The following LINGO1 variants were observed in gnomAD, a reference collection of about 807,000 sequenced individuals.
LINGO1 encodes leucine-rich repeat and immunoglobulin-like domain-containing nogo receptor-interacting protein 1.
A neutral mutation model predicts 37.3 loss-of-function variants in LINGO1; 11 were observed. The ratio of observed to expected loss-of-function variants is 0.29; its 90% CI spans 0.19 to 0.49. The LOEUF is 0.49. LINGO1 is among the 20% of genes least tolerant of loss of function. LINGO1 has a pLI of 0.99. For missense variants in LINGO1, 585 were observed against 878.2 expected, an observed-to-expected ratio of 0.67 and a Z score of 4.22; for synonymous variants, 387 against 403.0, an observed-to-expected ratio of 0.96 and a Z score of 0.48.
chr15:77,615,291 T>C lies in LINGO1; in HGVS notation c.616A>G (p.Ile206Val). The change falls in exon 2 of 2, where the codon ATC becomes GTC. Residue 206 changes from isoleucine (I) to valine (V), a missense_variant. Physicochemically the swap from Ile to Val is conservative, Grantham distance 29. Transcript: ENST00000355300. Reference protein sequence around the residue: ...LTLEKCNLTSIPTEALSHLHG... With the variant: ...LTLEKCNLTSVPTEALSHLHG... ...AGGTGGGACAGCGCCTCGGTGGGGA[T>C]GGAGGTCAGGTTGCATTTCTCCAGC... 1 of 1,613,588 alleles carries C rather than the reference T, an allele frequency of 6.2e-7. No homozygotes were observed. Among genetic ancestry groups the C allele is most frequent in the Non-Finnish European group, 8.5e-7 (1 of 1,179,860 alleles).
At chr15:77,746,330 C>A (rs2076314908) in intron 1 of LINGO1, among the ~76,000 whole-genome samples, 1 of 152,170 alleles carries the variant, frequency 6.6e-6, no homozygotes, top group Non-Finnish European at 1.5e-5. Context: ...AGCATGGGAC[C>A]TCCCTCACTT....
intron 1 of LINGO1, among the ~76,000 whole-genome samples, chr15:77,818,329 G>A (rs868098209): frequency 6.6e-6 from 1 of 152,228 alleles, no homozygotes. Flanking sequence ...TCTTCCACAG[G>A]ACTGGCTGGG....
Position 77,813,171 on chromosome 15 carries a change from T to C in LINGO1, c.-458+7087A>G, listed in dbSNP as rs150309581. 8.6e-4 allele frequency among the ~76,000 whole-genome samples: 131 copies of C among 152,288 alleles called. 1 individual carries two copies. The highest frequency in any genetic ancestry group is 3.1e-3 in the African/African-American group (128 of 41,544). ...AAATGTTCCCTAAATGTAAAGCTGA[T>C]ACACTGCTCTCAGAGTTCTGAGGAA... On this transcript the variant is annotated intron_variant, in intron 1 of 5. Transcript: ENST00000562933.
At chr15:77,685,759 G>A (rs1213183506) in intron 2 of LINGO1, among the ~76,000 whole-genome samples, 1 of 152,052 alleles carries the variant, frequency 6.6e-6, no homozygotes, top group Non-Finnish European at 1.5e-5. Flanking sequence ...GCTGAAGTGG[G>A]AGAATAACTT....
At chr15:77,755,079 T>TCCTAC (rs1567565204) in intron 1 of LINGO1, among the ~76,000 whole-genome samples, 5 of 152,190 alleles carry the variant, frequency 3.3e-5, no homozygotes, top group Admixed American at 6.5e-5. Flanking sequence ...CACAACTCCC[T>TCCTAC]TGAGGCCAAG....
rs1257759659 is a variant in LINGO1, at chr15:77,656,087, GGGACAGGGGT to G, written c.-13+20992_-13+21001del. Among the ~76,000 whole-genome samples the G allele has an allele frequency of 2.6e-5, 4 of 152,212 alleles. No individual in the cohort carries two copies. In the South Asian group the frequency reaches 8.3e-4, roughly 31 times the overall value. ...GCTGCCCACAGGGCTGGGCACTCAG[GGGACAGGGGT>G]GACAGTAAGGAACCCAGAAAGGGCC... On this transcript the variant is annotated intron_variant, in intron 3 of 3. Coordinates refer to the LINGO1 transcript ENST00000559893.
chr15:77,684,226 G>A (rs972897127), intron 2 of LINGO1, among the ~76,000 whole-genome samples: 3 of 152,198 alleles, frequency 2.0e-5, no homozygotes, highest in African/African-American at 7.2e-5. Context: ...AGTGCACCTC[G>A]TTCACTGGGG....
chr15:77,705,381 C>T (rs1289528100), intron 2 of LINGO1, among the ~76,000 whole-genome samples: 1 of 152,192 alleles, frequency 6.6e-6, no homozygotes, highest in Non-Finnish European at 1.5e-5. Flanking sequence ...TCACTCGTTC[C>T]CGGGGCTCAC....
intron 2 of LINGO1, among the ~76,000 whole-genome samples, chr15:77,726,464 C>T (rs2076103228): frequency 6.6e-6 from 1 of 152,234 alleles, no homozygotes; most frequent in Admixed American, 6.5e-5. Flanking sequence ...CATTAGGGCA[C>T]CCAGATATCA....
intron 1 of LINGO1, among the ~76,000 whole-genome samples, chr15:77,811,190 C>G (rs4886917): frequency 0.93 from 140,800 of 152,166 alleles, 65,240 homozygotes; most frequent in Admixed American, 0.95. Context: ...CCAGCTGCTT[C>G]TGCCAACAGA....
chr15:77,785,398 C>T (rs543776485), intron 1 of LINGO1, among the ~76,000 whole-genome samples: 18 of 152,334 alleles, frequency 1.2e-4, no homozygotes, highest in African/African-American at 3.8e-4. Flanking sequence ...GGCCCTTGCA[C>T]TTCCCAACTG....
intron 3 of LINGO1, among the ~76,000 whole-genome samples, chr15:77,675,445 G>A (rs1009400040): frequency 2.0e-5 from 3 of 152,218 alleles, no homozygotes; most frequent in African/African-American, 7.2e-5. Context: ...GGATGTAAAA[G>A]GGTGGGGAAG....
chr15:77,743,114 C>T (rs990550950), intron 1 of LINGO1, among the ~76,000 whole-genome samples: 2 of 152,084 alleles, frequency 1.3e-5, no homozygotes, highest in Non-Finnish European at 2.9e-5. Flanking sequence ...GAAGGAGAGC[C>T]CTCCTGGGCT....
chr15:77,708,905 C>G (rs573432578), intron 2 of LINGO1, among the ~76,000 whole-genome samples: 2 of 152,306 alleles, frequency 1.3e-5, no homozygotes, highest in Admixed American at 6.5e-5. Flanking sequence ...CAGAGCGAGA[C>G]TGTCTCAACA....
Position 77,743,362 on chromosome 15 carries a change from A to G in LINGO1, c.-256-8309T>C, listed in dbSNP as rs189432248. ...CTATGTACTCTGTAAAAGGAGGGGC[A>G]TGACTCCTTTCCCCCATTACAGGGA... On this transcript the variant is annotated intron_variant, in intron 1 of 3. Coordinates refer to the LINGO1 transcript ENST00000561686. Among the ~76,000 whole-genome samples, 239 of 152,288 alleles carry G rather than the reference A, an allele frequency of 1.6e-3. 1 individual carries two copies. The highest frequency in any genetic ancestry group is 5.3e-3 in the African/African-American group (220 of 41,560).
chr15:77,694,993 T>C (rs1016554716), intron 1 of LINGO1, among the ~76,000 whole-genome samples: 3 of 128,202 alleles, frequency 2.3e-5, no homozygotes, highest in Non-Finnish European at 5.4e-5. Flanking sequence ...ACACTCGGGA[T>C]AATCTTTTTT....
intron 1 of LINGO1, among the ~76,000 whole-genome samples, chr15:77,760,309 G>A (rs1371178581): frequency 2.0e-5 from 3 of 152,218 alleles, no homozygotes; most frequent in African/African-American, 7.2e-5. Context: ...CACTAAGGGT[G>A]TCCAGGCTCC....
chr15:77,711,549 G>C (rs1250548424), intron 2 of LINGO1, among the ~76,000 whole-genome samples: 1 of 152,198 alleles, frequency 6.6e-6, no homozygotes, highest in Non-Finnish European at 1.5e-5. Context: ...GGGAGGCTGA[G>C]GAACACTGAG....
At chr15:77,624,310 C>T (rs867313756) in intron 1 of LINGO1, among the ~76,000 whole-genome samples, 88 of 152,126 alleles carry the variant, frequency 5.8e-4, no homozygotes, top group African/African-American at 1.6e-3. Context: ...CACTCAGGTG[C>T]GCTTTGGGAA....
Sources: allele counts gnomAD v4.1 joint callset (sites outside exome capture counted in the v4.1 genomes callset), GRCh38; gene constraint gnomAD v4.1.1; transcripts MANE v1.5; gene names NCBI Gene and HGNC (gene_info 2026-07-23, HGNC 2026-07-21).